LNX1: variants seen among roughly 807,000 people sequenced by gnomAD.
LNX1 encodes ligand of numb-protein X 1.
Under a neutral mutation model 68.4 loss-of-function variants are expected in LNX1, and 54 were observed. The observed-to-expected ratio is 0.79, with a 90% confidence interval of 0.63 to 0.99. The LOEUF is 0.99. Ranked by LOEUF, LNX1 falls within the 50% of genes least tolerant of loss-of-function variation. The probability of loss-of-function intolerance (pLI) is 0.00; values close to 1 mark genes in which losing one functional copy is unlikely to be tolerated. For missense variants in LNX1, 906 were observed against 926.4 expected, an observed-to-expected ratio of 0.98 and a Z score of 0.29; for synonymous variants, 336 against 350.0, an observed-to-expected ratio of 0.96 and a Z score of 0.45.
Position 53,567,141 on chromosome 4 carries a change from G to A in LNX1, c.380+6482C>T, listed in dbSNP as rs1371366341. 4.0e-3 allele frequency among the ~76,000 whole-genome samples: 570 copies of A among 141,502 alleles called. 2 individuals are homozygous for A. Among genetic ancestry groups the A allele is most frequent in the African/African-American group, 0.014 (521 of 37,704 alleles). The allele number at this position is 141,502 out of a possible 152,430, so 92.8% of individuals were successfully genotyped here. On this transcript the variant is annotated intron_variant, in intron 2 of 10. Transcript: ENST00000263925. ...AATTGAACTCAGCTCTGCACCAAGC[G>A]GACCTAATAGACATCTACAGAACTC...
chr4:53,604,331 C>A (rs1274367799), intron 2 of LNX1, among the ~76,000 whole-genome samples: 1 of 152,088 alleles, frequency 6.6e-6, no homozygotes, highest in African/African-American at 2.4e-5. Flanking sequence ...GAACTGAGAC[C>A]AAAGAGAAGT....
Position 53,459,636 on chromosome 4 carries a change from T to C in LNX1, c.*1271A>G, listed in dbSNP as rs1333424638. The C allele has an allele frequency of 5.2e-6, 4 of 772,490 alleles. No homozygotes were observed. The highest frequency in any genetic ancestry group is 8.3e-6 in the Non-Finnish European group (4 of 483,588). The allele number at this position is 772,490 out of a possible 1,614,324, so 47.9% of individuals were successfully genotyped here. ...TAAGTTAAAAATCTTTGTCTTGTACTATTTCAAAAATAAAAAGACAGCAAT... is the reference window on the plus strand; with the variant it reads ...TAAGTTAAAAATCTTTGTCTTGTACCATTTCAAAAATAAAAAGACAGCAAT... On this transcript the variant is annotated 3_prime_UTR_variant, in exon 11 of 11. Transcript: ENST00000263925.
intron 2 of LNX1, among the ~76,000 whole-genome samples, chr4:53,608,221 T>C (rs1191265621): frequency 6.6e-6 from 1 of 152,126 alleles, no homozygotes; most frequent in Non-Finnish European, 1.5e-5. Flanking sequence ...CTGTGCATCC[T>C]ACAAATGTCT....
At chr4:53,616,299 A>G (rs1453979272) in intron 2 of LNX1, among the ~76,000 whole-genome samples, 1 of 152,216 alleles carries the variant, frequency 6.6e-6, no homozygotes, top group Non-Finnish European at 1.5e-5. Flanking sequence ...CCTATATACC[A>G]TACACTTAAA....
intron 2 of LNX1, among the ~76,000 whole-genome samples, chr4:53,559,002 C>G (rs1264246018): frequency 6.6e-6 from 1 of 152,128 alleles, no homozygotes; most frequent in Non-Finnish European, 1.5e-5. Context: ...CTCGCTTACC[C>G]CATATTCAAG....
At chr4:53,582,726 T>C (rs1354630632) in intron 1 of LNX1, among the ~76,000 whole-genome samples, 1 of 152,190 alleles carries the variant, frequency 6.6e-6, no homozygotes, top group Non-Finnish European at 1.5e-5. Context: ...TGTTTTTTTT[T>C]TAATTGTTGA....
intron 2 of LNX1, among the ~76,000 whole-genome samples, chr4:53,519,254 A>C (rs1477535078): frequency 6.6e-6 from 1 of 152,148 alleles, no homozygotes; most frequent in Non-Finnish European, 1.5e-5. Flanking sequence ...TTTCTAGAGA[A>C]AGCACCTTAG....
intron 2 of LNX1, among the ~76,000 whole-genome samples, chr4:53,602,449 T>C (rs1733056639): frequency 1.3e-5 from 2 of 152,308 alleles, no homozygotes; most frequent in South Asian, 4.1e-4. Context: ...GGAACAAGCC[T>C]GTCTTAGGGT....
At chr4:53,471,072 AC>A (rs1723134922) in intron 9 of LNX1, among the ~76,000 whole-genome samples, 1 of 31,284 alleles carries the variant, frequency 3.2e-5, no homozygotes. Context: ...GAGGCATCGC[AC>A]TACCTGACTT....
chr4:53,575,748 T>C, intron 1 of LNX1: 1 of 1,547,518 alleles, frequency 6.5e-7, no homozygotes, highest in Non-Finnish European at 8.7e-7. Context: ...CTGTATTGCA[T>C]CATCCTGGTG....
At chr4:53,531,977 T>G (rs962436568) in intron 2 of LNX1, among the ~76,000 whole-genome samples, 25 of 152,328 alleles carry the variant, frequency 1.6e-4, no homozygotes, top group African/African-American at 4.6e-4. Flanking sequence ...TTGTTCTTTT[T>G]GCTAGAAATG....
At chr4:53,619,141 A>G (rs1733779055), upstream of LNX1, among the ~76,000 whole-genome samples, 1 of 152,200 alleles carries the variant, frequency 6.6e-6, no homozygotes, top group East Asian at 1.9e-4. Context: ...AAATGTTAGC[A>G]CCACCAAATA....
At chr4:53,493,616 A>C (rs1451618921) in intron 6 of LNX1, among the ~76,000 whole-genome samples, 1 of 152,180 alleles carries the variant, frequency 6.6e-6, no homozygotes. Flanking sequence ...ACCAGATCTC[A>C]GGTGCAGGCA....
At chr4:53,603,045 C>G (rs1733083819) in intron 2 of LNX1, 1 of 152,152 alleles carries the variant, frequency 6.6e-6, no homozygotes, top group Admixed American at 6.5e-5. Context: ...CTAAAAAGAT[C>G]CCTTTCAAGT....
At chr4:53,580,135 A>G (rs4418038) in intron 1 of LNX1, among the ~76,000 whole-genome samples, 45,362 of 152,062 alleles carry the variant, frequency 0.3, 7,210 homozygotes, top group African/African-American at 0.41. Flanking sequence ...AGATGATTCT[A>G]CCTTTGGATA....
At position 53,459,720 on chromosome 4, in the gene LNX1, G is replaced by GTGTT; in HGVS notation, c.*1183_*1186dup. Reference sequence around the variant, plus strand: ...CACTTAACAGGGAATCTAAAGAGCTGTGTTAGCTGTGTACATACACAGATT... The same window carrying GTGTT: ...CACTTAACAGGGAATCTAAAGAGCTGTGTTTGTTAGCTGTGTACATACACAGATT... On this transcript the variant is annotated 3_prime_UTR_variant, in exon 11 of 11. Transcript: ENST00000263925. The GTGTT allele has an allele frequency of 2.1e-6, 1 of 471,536 alleles. No individual in the cohort carries two copies. Among genetic ancestry groups the GTGTT allele is most frequent in the Non-Finnish European group, 3.8e-6 (1 of 260,032 alleles). 29.2% of individuals were successfully genotyped at this position (471,536 alleles called of 1,614,324 possible).
chr4:53,605,010 A>G (rs1733170822), intron 2 of LNX1, among the ~76,000 whole-genome samples: 1 of 152,144 alleles, frequency 6.6e-6, no homozygotes, highest in South Asian at 2.1e-4. Flanking sequence ...CCATAGCAAG[A>G]CTTGGAGTCC....
At chr4:53,486,511 T>G (rs1266156765) in intron 6 of LNX1, among the ~76,000 whole-genome samples, 3 of 152,200 alleles carry the variant, frequency 2.0e-5, no homozygotes, top group Non-Finnish European at 4.4e-5. Context: ...CTGCCTGCCC[T>G]GGGCAGACAA....
chr4:53,475,671 A>C (rs1363195726), intron 9 of LNX1, among the ~76,000 whole-genome samples: 3 of 152,230 alleles, frequency 2.0e-5, no homozygotes, highest in African/African-American at 7.2e-5. Flanking sequence ...CAAGATAATC[A>C]TCTGAAGGCC....
Sources: allele counts gnomAD v4.1 joint callset (sites outside exome capture counted in the v4.1 genomes callset), GRCh38; gene constraint gnomAD v4.1.1; transcripts MANE v1.5; gene names NCBI Gene and HGNC (gene_info 2026-07-23, HGNC 2026-07-21).